Variants in TAFA1 observed in about 807,000 individuals in gnomAD.
The protein encoded by TAFA1 is chemokine-like protein TAFA-1.
Under a neutral mutation model 18.5 loss-of-function variants are expected in TAFA1, and 4 were observed. The observed-to-expected ratio is 0.22, with a 90% CI of 0.11 to 0.49. The LOEUF (loss-of-function observed/expected upper bound fraction) is 0.49, where lower values mean the gene tolerates loss of function less well. Among genes scored for constraint, TAFA1 ranks in the 20% least tolerant of loss-of-function variants. The pLI is 0.98. For synonymous variants in TAFA1, 56 were observed against 55.2 expected (o/e 1.01, Z -0.06); for missense variants, 147 against 169.0 (o/e 0.87, Z 0.72).
intron 2 of TAFA1, among the ~76,000 whole-genome samples, chr3:68,370,187 C>G (rs1452020982): frequency 7.4e-6 from 1 of 135,072 alleles, no homozygotes; most frequent in Admixed American, 7.9e-5. Flanking sequence ...ACTAGGGAGG[C>G]TGAGACAGGA....
At chr3:68,460,065 G>A (rs2071746546) in intron 3 of TAFA1, among the ~76,000 whole-genome samples, 1 of 152,040 alleles carries the variant, frequency 6.6e-6, no homozygotes. Flanking sequence ...CAATCTCCCA[G>A]TATGGCTAAG....
At chr3:68,014,137 T>C (rs1257055431) in intron 2 of TAFA1, among the ~76,000 whole-genome samples, 1 of 152,210 alleles carries the variant, frequency 6.6e-6, no homozygotes, top group Non-Finnish European at 1.5e-5. Context: ...TTTCCACTTT[T>C]GTGGATGAAG....
chr3:68,152,949 G>T (rs1288189554), intron 2 of TAFA1, among the ~76,000 whole-genome samples: 2 of 152,142 alleles, frequency 1.3e-5, no homozygotes, highest in African/African-American at 2.4e-5. Flanking sequence ...GGAGGGAATG[G>T]AGAGTGGGAC....
intron 2 of TAFA1, among the ~76,000 whole-genome samples, chr3:68,271,987 C>T (rs1053703904): frequency 6.6e-6 from 1 of 152,122 alleles, no homozygotes; most frequent in African/African-American, 2.4e-5. Flanking sequence ...CACTGTGTAA[C>T]TATAAATAGA....
chr3:68,070,439 T>C (rs2064739201), intron 2 of TAFA1, among the ~76,000 whole-genome samples: 1 of 152,150 alleles, frequency 6.6e-6, no homozygotes, highest in African/African-American at 2.4e-5. Flanking sequence ...TAGGAAACCA[T>C]CTTGTCCACC....
chr3:68,063,076 T>C, intron 2 of TAFA1, among the ~76,000 whole-genome samples: 1 of 152,334 alleles, frequency 6.6e-6, no homozygotes, highest in Non-Finnish European at 1.5e-5. Flanking sequence ...TCAGCTCCAG[T>C]GGATCCTTGC....
chr3:68,236,072 G>T (rs1224104098), intron 2 of TAFA1, among the ~76,000 whole-genome samples: 2 of 152,124 alleles, frequency 1.3e-5, no homozygotes, highest in African/African-American at 2.4e-5. Flanking sequence ...TAATTATTGA[G>T]AGTAAAACTA....
chr3:68,375,387 C>T (rs2069789876), intron 2 of TAFA1, among the ~76,000 whole-genome samples: 1 of 152,112 alleles, frequency 6.6e-6, no homozygotes, highest in Admixed American at 6.6e-5. Context: ...CTGGCTTATC[C>T]AATAAAGCAT....
At chr3:68,539,955 G>C (rs1013121107) in intron 4 of TAFA1, among the ~76,000 whole-genome samples, 5 of 151,902 alleles carry the variant, frequency 3.3e-5, no homozygotes, top group African/African-American at 1.2e-4. Context: ...AAGCTCCATC[G>C]GTTACAAATC....
At chr3:68,414,351 TA>T (rs2070772621) in intron 2 of TAFA1, among the ~76,000 whole-genome samples, 1 of 151,918 alleles carries the variant, frequency 6.6e-6, no homozygotes, top group Non-Finnish European at 1.5e-5. Flanking sequence ...GAGTCACAAC[TA>T]GGGGAGGAGG....
intron 2 of TAFA1, among the ~76,000 whole-genome samples, chr3:68,195,977 T>C (rs1187653187): frequency 6.6e-6 from 1 of 151,730 alleles, no homozygotes; most frequent in African/African-American, 2.4e-5. Flanking sequence ...AAATATTTTC[T>C]CTCTTCTTCT....
Position 68,406,936 on chromosome 3 carries a change from A to G in TAFA1, c.119-10344A>G, listed in dbSNP as rs187342687. Among the ~76,000 whole-genome samples the G allele has an allele frequency of 5.3e-5, 8 of 152,322 alleles. No individual in the cohort carries two copies. The East Asian group carries it at 1.5e-3, about 29-fold the overall frequency. On this transcript the variant is annotated intron_variant, in intron 2 of 4. Coordinates refer to ENST00000478136, the MANE Select transcript of TAFA1 (RefSeq NM_213609.4). ...ACCAGTTGCTAAAAGTTATTTCTGC[A>G]GTAGAGTTTCAACATATCCAACGTA...
At chr3:68,390,820 A>C (rs921360992) in intron 2 of TAFA1, among the ~76,000 whole-genome samples, 3 of 152,232 alleles carry the variant, frequency 2.0e-5, no homozygotes, top group Admixed American at 2.0e-4. Flanking sequence ...TCAACATCGC[A>C]AAAAGGATGG....
chr3:68,050,013 C>T (rs2106700036), intron 2 of TAFA1, among the ~76,000 whole-genome samples: 1 of 152,210 alleles, frequency 6.6e-6, no homozygotes, highest in Admixed American at 6.6e-5. Context: ...CTCACATCTC[C>T]AATTACTAGT....
chr3:68,107,786 CAG>C (rs1417520971), intron 2 of TAFA1, among the ~76,000 whole-genome samples: 1 of 152,112 alleles, frequency 6.6e-6, no homozygotes, highest in Non-Finnish European at 1.5e-5. Flanking sequence ...CACCAATTAA[CAG>C]AGTCTAGTTT....
At chr3:68,296,841 C>T (rs1319688600) in intron 2 of TAFA1, among the ~76,000 whole-genome samples, 1 of 152,118 alleles carries the variant, frequency 6.6e-6, no homozygotes, top group East Asian at 1.9e-4. Flanking sequence ...ACCTGTTCAT[C>T]AAATAACCTA....
At chr3:68,032,693 A>G (rs536594835) in intron 2 of TAFA1, among the ~76,000 whole-genome samples, 28 of 151,304 alleles carry the variant, frequency 1.9e-4, no homozygotes, top group South Asian at 6.3e-4. Flanking sequence ...TCCCTCCCAG[A>G]CTCCTGTGTC....
At chr3:68,315,195 T>C (rs1303320843) in intron 2 of TAFA1, among the ~76,000 whole-genome samples, 1 of 152,182 alleles carries the variant, frequency 6.6e-6, no homozygotes, top group Admixed American at 6.5e-5. Context: ...AATTAGATTT[T>C]ATGCTTTCTG....
rs150626960 is a variant in TAFA1, at chr3:68,053,758, T to C, written c.118+47014T>C. 2.2e-3 allele frequency among the ~76,000 whole-genome samples: 332 copies of C among 152,254 alleles called. 1 individual carries two copies. The highest frequency in any genetic ancestry group is 7.6e-3 in the African/African-American group (317 of 41,556). ...TCGCTCTGTCACCTAGGCTGAAGTGTAGTGATGCAATCATAGCTCACTGCA... is the reference window on the plus strand; with the variant it reads ...TCGCTCTGTCACCTAGGCTGAAGTGCAGTGATGCAATCATAGCTCACTGCA... On this transcript the variant is annotated intron_variant, in intron 2 of 4. Coordinates refer to ENST00000478136, the MANE Select transcript of TAFA1 (RefSeq NM_213609.4).
Sources: gnomAD v4.1 joint callset for allele counts (sites outside exome capture counted in the v4.1 genomes callset) on GRCh38, gnomAD v4.1.1 for gene constraint, MANE v1.5 for transcripts, NCBI Gene and HGNC (gene_info 2026-07-23, HGNC 2026-07-21) for gene names.